Variants in KCNT1 observed in about 807,000 individuals in gnomAD.
KCNT1 encodes potassium sodium-activated channel subfamily T member 1.
A neutral mutation model predicts 147.8 loss-of-function variants in KCNT1; 78 were observed. The observed-to-expected ratio is 0.53, with a 90% CI of 0.44 to 0.64. The LOEUF is 0.64. Ranked by LOEUF, KCNT1 falls within the 30% of genes least tolerant of loss-of-function variation. KCNT1 has a pLI of 0.00. For synonymous variants in KCNT1, 867 were observed against 748.8 expected (o/e 1.16, Z -2.58); for missense variants, 1,419 against 1,750.3 (o/e 0.81, Z 3.38).
chr9:135,702,696 G>C (rs925303064), intron 1 of KCNT1, among the ~76,000 whole-genome samples: 2 of 152,060 alleles, frequency 1.3e-5, no homozygotes, highest in Admixed American at 6.5e-5. Context: ...GGGCGGTGCA[G>C]GGCCTTCCAT....
chr9:135,728,090 G>A (rs1450478912), intron 2 of KCNT1, among the ~76,000 whole-genome samples: 6 of 152,254 alleles, frequency 3.9e-5, no homozygotes, highest in African/African-American at 7.2e-5. Flanking sequence ...GGAGATGGCC[G>A]TGTGAAGGCG....
chr9:135,776,324 C>G (rs186720485), intron 20 of KCNT1, among the ~76,000 whole-genome samples: 2 of 152,244 alleles, frequency 1.3e-5, no homozygotes, highest in Admixed American at 1.3e-4. Context: ...GTGGTGGGAT[C>G]ATAGCTCACT....
At chr9:135,766,282 G>A (rs1166874358) in intron 13 of KCNT1, among the ~76,000 whole-genome samples, 1 of 141,716 alleles carries the variant, frequency 7.1e-6, no homozygotes, top group East Asian at 2.1e-4. Flanking sequence ...GACCATCTAG[G>A]GTAGACTGTC....
intron 2 of KCNT1, among the ~76,000 whole-genome samples, chr9:135,740,396 G>A (rs925408092): frequency 3.9e-5 from 6 of 152,218 alleles, no homozygotes; most frequent in African/African-American, 1.4e-4. Flanking sequence ...GGGACTTGGG[G>A]TTGTGGGGTG....
chr9:135,780,168 C>T (rs976632394), intron 24 of KCNT1, among the ~76,000 whole-genome samples: 1 of 151,900 alleles, frequency 6.6e-6, no homozygotes, highest in Non-Finnish European at 1.5e-5. Context: ...CCTGCTCAAG[C>T]TGGGACAGCA....
At position 135,763,383 on chromosome 9, in the gene KCNT1, G is replaced by A. The variant is rs763013798; in HGVS notation, c.1036-1648G>A. 1.1e-4 allele frequency among the ~76,000 whole-genome samples: 16 copies of A among 152,354 alleles called. No individual in the cohort carries two copies. In the South Asian group the frequency reaches 1.9e-3, roughly 18 times the overall value. On this transcript the variant is annotated intron_variant, in intron 11 of 30. Coordinates refer to ENST00000371757, the MANE Select transcript of KCNT1 (RefSeq NM_020822.3). The stretch of plus-strand genomic sequence containing the variant: ...GACCCCGAGGCCCTCGCTCACGAGC[G>A]TCCTTCTGGAACACAGCAGCGCCGG...
intron 29 of KCNT1, chr9:135,788,107 A>C (rs547356973): frequency 3.1e-6 from 5 of 1,610,346 alleles, no homozygotes; most frequent in Admixed American, 3.3e-5. Flanking sequence ...TAGAGGACGT[A>C]GCAAATTTAA....
chr9:135,766,152 C>G (rs377101742), intron 13 of KCNT1, among the ~76,000 whole-genome samples: 1 of 150,716 alleles, frequency 6.6e-6, no homozygotes, highest in Non-Finnish European at 1.5e-5. Context: ...TGTGGACCAT[C>G]CAGGGTGGAT....
chr9:135,716,208 C>G (rs1835713812), intron 2 of KCNT1, among the ~76,000 whole-genome samples: 1 of 152,202 alleles, frequency 6.6e-6, no homozygotes, highest in Non-Finnish European at 1.5e-5. Flanking sequence ...AAACGGCAGC[C>G]CTGGGAGATC....
chr9:135,724,953 G>A (rs1446971676), intron 2 of KCNT1, among the ~76,000 whole-genome samples: 1 of 152,216 alleles, frequency 6.6e-6, no homozygotes, highest in Non-Finnish European at 1.5e-5. Flanking sequence ...TTCCCCCCAT[G>A]AGAGGGGGTG....
intron 3 of KCNT1, among the ~76,000 whole-genome samples, 153 bp downstream of exon 3, chr9:135,750,330 G>T (rs58063887): frequency 1.3e-5 from 2 of 151,836 alleles, no homozygotes; most frequent in Non-Finnish European, 2.9e-5. Context: ...TGGAAGCAGG[G>T]TGGGGGTGGG....
intron 2 of KCNT1, among the ~76,000 whole-genome samples, chr9:135,739,897 G>C (rs1037753812): frequency 1.3e-5 from 2 of 152,174 alleles, no homozygotes; most frequent in Admixed American, 1.3e-4. Context: ...GGGGACACCA[G>C]GCCCTGTCTT....
chr9:135,754,212 C>T (rs1403350567), intron 5 of KCNT1, among the ~76,000 whole-genome samples: 1 of 152,174 alleles, frequency 6.6e-6, no homozygotes, highest in Admixed American at 6.5e-5. Flanking sequence ...ACTGCCTGGT[C>T]CCTGAGGGAT....
chr9:135,716,226 T>C (rs904827523), intron 2 of KCNT1, among the ~76,000 whole-genome samples: 1 of 152,212 alleles, frequency 6.6e-6, no homozygotes, highest in African/African-American at 2.4e-5. Flanking sequence ...ATCCTTCCGA[T>C]ATTGGGCAGG....
intron 19 of KCNT1, among the ~76,000 whole-genome samples, chr9:135,774,354 T>G (rs1364750790): frequency 6.8e-6 from 1 of 146,732 alleles, no homozygotes; most frequent in Non-Finnish European, 1.5e-5. Flanking sequence ...CCGTGTGTGG[T>G]GCGTGTTGTG....
intron 2 of KCNT1, among the ~76,000 whole-genome samples, chr9:135,741,897 G>A (rs1165440909): frequency 6.6e-6 from 1 of 152,260 alleles, no homozygotes. Context: ...CACATAGTCA[G>A]TGAAGGCAAA....
chr9:135,741,836 AAG>A (rs976317641), intron 2 of KCNT1, among the ~76,000 whole-genome samples: 2 of 152,236 alleles, frequency 1.3e-5, no homozygotes, highest in African/African-American at 2.4e-5. Flanking sequence ...TGAGGATTAA[AAG>A]AGAGAGGTCC....
Position 135,792,690 on chromosome 9 carries a change from T to G in KCNT1, c.*529T>G, listed in dbSNP as rs1237371538. 1 of 152,480 alleles carries G rather than the reference T, an allele frequency of 6.6e-6. No homozygotes were observed. The highest frequency in any genetic ancestry group is 1.5e-5 in the Non-Finnish European group (1 of 68,306). 9.4% of individuals were successfully genotyped at this position (152,480 alleles called of 1,614,324 possible). On this transcript the variant is annotated 3_prime_UTR_variant, in exon 31 of 31. Coordinates refer to ENST00000371757, the MANE Select transcript of KCNT1 (RefSeq NM_020822.3). ...GGTGGGTGAGGGGGACCCTGGGCTG[T>G]TTGCTGTCCCAAGCCCCTTCTGGAA...
chr9:135,765,740 C>G lies in KCNT1; in HGVS notation c.1317C>G (p.Asp439Glu). ...VIYLQGSALK[D>E]QDLMRAKMDN... Reference sequence around the variant, plus strand: ...ACCTCCAGGGCTCTGCACTCAAAGACCAGGACCTCATGCGAGCCAAGTGAG... The same window carrying G: ...ACCTCCAGGGCTCTGCACTCAAAGAGCAGGACCTCATGCGAGCCAAGTGAG... Residue 439 changes from aspartate to glutamate, a missense_variant, in exon 13 of 31, where the codon GAC becomes GAG. Around this residue, in one of 5 missense-constraint regions of KCNT1, gnomAD observed 401 missense variants for 610.6 expected, o/e 0.66. Transcript: ENST00000371757. 1 of 1,604,264 alleles carries G rather than the reference C, an allele frequency of 6.2e-7. No homozygotes were observed. The highest frequency in any genetic ancestry group is 8.5e-7 in the Non-Finnish European group (1 of 1,173,484).
Sources: gnomAD v4.1 joint callset for allele counts (sites outside exome capture counted in the v4.1 genomes callset) on GRCh38, gnomAD v4.1.1 for gene constraint, gnomAD v4.1.1 regional missense constraint, MANE v1.5 for transcripts, NCBI Gene and HGNC (gene_info 2026-07-23, HGNC 2026-07-21) for gene names.